Variants in EML6 observed in about 807,000 individuals in gnomAD.
EML6 encodes the protein echinoderm microtubule-associated protein-like 6.
EML6 carries 154 observed loss-of-function variants against 240.1 expected under a neutral mutation model. The observed-to-expected ratio is 0.64, with a 90% CI of 0.56 to 0.73. The LOEUF is 0.73. EML6 is among the 30% of genes least tolerant of loss of function. The pLI, the probability that EML6 is intolerant of heterozygous loss-of-function variation, is 0.00. For missense variants in EML6, 2,964 were observed against 2,474.6 expected (o/e 1.20, Z -4.20); for synonymous variants, 1,148 against 899.0 (o/e 1.28, Z -4.95).
At chr2:54,743,703 A>G (rs1683765674) in intron 2 of EML6, among the ~76,000 whole-genome samples, 1 of 152,220 alleles carries the variant, frequency 6.6e-6, no homozygotes, top group Non-Finnish European at 1.5e-5. Context: ...CTCTCTTGGT[A>G]AAATACTCTT....
At chr2:54,808,206 G>T (rs1223783388) in intron 2 of EML6, among the ~76,000 whole-genome samples, 1 of 152,188 alleles carries the variant, frequency 6.6e-6, no homozygotes, top group Non-Finnish European at 1.5e-5. Flanking sequence ...AGTTGTGGTG[G>T]GGTACTGAAG....
chr2:54,910,618 G>T (rs921516270), intron 24 of EML6, among the ~76,000 whole-genome samples: 1 of 151,982 alleles, frequency 6.6e-6, no homozygotes, highest in Non-Finnish European at 1.5e-5. Flanking sequence ...GAGGCAACTG[G>T]GAAAAACAGG....
intron 26 of EML6, among the ~76,000 whole-genome samples, chr2:54,921,072 C>T (rs1331075376): frequency 6.6e-6 from 1 of 151,802 alleles, no homozygotes; most frequent in African/African-American, 2.4e-5. Context: ...AAAACTTTTC[C>T]TTTAAGATAA....
intron 2 of EML6, among the ~76,000 whole-genome samples, chr2:54,805,878 T>G (rs1316479011): frequency 1.3e-5 from 2 of 152,194 alleles, no homozygotes; most frequent in Non-Finnish European, 2.9e-5. Flanking sequence ...GATACCTAGT[T>G]GTTCCAGCAC....
intron 2 of EML6, among the ~76,000 whole-genome samples, chr2:54,764,806 G>A (rs1008445863): frequency 7.2e-5 from 11 of 152,100 alleles, no homozygotes; most frequent in Admixed American, 2.0e-4. Context: ...TTTCTATTTG[G>A]TATATGCATG....
chr2:54,957,001 A>G (rs1048782054), intron 32 of EML6, among the ~76,000 whole-genome samples: 1 of 152,230 alleles, frequency 6.6e-6, no homozygotes, highest in African/African-American at 2.4e-5. Context: ...TACTACTACT[A>G]CTAATACTGG....
At chr2:54,875,790 T>A (rs886363529) in intron 16 of EML6, among the ~76,000 whole-genome samples, 1 of 152,206 alleles carries the variant, frequency 6.6e-6, no homozygotes, top group Non-Finnish European at 1.5e-5. Flanking sequence ...GTGCTTGCCG[T>A]GAGGAAAGTG....
chr2:54,777,860 A>G (rs903808328), intron 2 of EML6, among the ~76,000 whole-genome samples: 3 of 152,258 alleles, frequency 2.0e-5, no homozygotes, highest in African/African-American at 7.2e-5. Context: ...ATTTATTTAT[A>G]GCAAATTTCT....
At chr2:54,862,243 G>A (rs569038760) in intron 12 of EML6, among the ~76,000 whole-genome samples, 5 of 149,988 alleles carry the variant, frequency 3.3e-5, no homozygotes, top group Admixed American at 1.3e-4. Context: ...GGAGGCTGAG[G>A]CAGGAGAATT....
chr2:54,941,902 T>G (rs1675449644), intron 28 of EML6, among the ~76,000 whole-genome samples: 1 of 152,258 alleles, frequency 6.6e-6, no homozygotes, highest in Non-Finnish European at 1.5e-5. Context: ...AAGACTCCTG[T>G]TCTTTATGAA....
intron 28 of EML6, among the ~76,000 whole-genome samples, chr2:54,945,992 C>T (rs1675678255): frequency 6.6e-6 from 1 of 152,228 alleles, no homozygotes; most frequent in Non-Finnish European, 1.5e-5. Context: ...CGACTTGTTA[C>T]TCAACACCAA....
chr2:54,831,645 T>A (rs553379428), intron 7 of EML6, among the ~76,000 whole-genome samples: 1 of 152,260 alleles, frequency 6.6e-6, no homozygotes, highest in Non-Finnish European at 1.5e-5. Context: ...CTGTGGTGCC[T>A]GGGCTTGGCG....
Position 54,903,458 on chromosome 2 carries a change from A to T in EML6, c.3365A>T (p.Lys1122Ile). 1 of 1,551,902 alleles carries T rather than the reference A, an allele frequency of 6.4e-7. No homozygotes were observed. ...ACAAGCAAAAGGGTTGGCATCTGTA[A>T]AGGTGCTTCTAGTTATATTACACAC... The part of the protein sequence containing the change: ...VLTSKRVGIC[K>I]GASSYITHID... The change falls in exon 24 of 42, where the codon AAA (lysine) becomes ATA (isoleucine). Residue 1122 changes from lysine to isoleucine, a missense_variant. Lys to Ile is a moderately radical substitution (Grantham distance 102). Transcript: ENST00000356458.
intron 17 of EML6, chr2:54,881,968 G>T (rs1192032775): frequency 6.6e-6 from 1 of 152,270 alleles, no homozygotes; most frequent in Non-Finnish European, 1.5e-5. Flanking sequence ...GGTAGCTGTG[G>T]TGGCATCGTC....
chr2:54,895,946 T>C (rs1027210362), intron 21 of EML6, among the ~76,000 whole-genome samples: 1 of 152,258 alleles, frequency 6.6e-6, no homozygotes, highest in Non-Finnish European at 1.5e-5. Flanking sequence ...TCATCACATA[T>C]GTGGAATCAT....
intron 11 of EML6, among the ~76,000 whole-genome samples, chr2:54,854,686 T>A (rs1217879916): frequency 1.3e-5 from 2 of 152,260 alleles, no homozygotes; most frequent in Non-Finnish European, 2.9e-5. Context: ...ACTGGCAGTT[T>A]TGAAGCAGTG....
At chr2:54,732,804 T>C (rs1002103655) in intron 2 of EML6, among the ~76,000 whole-genome samples, 3 of 152,204 alleles carry the variant, frequency 2.0e-5, no homozygotes, top group African/African-American at 7.2e-5. Context: ...ACTTAAATAG[T>C]GAGTGCAGTG....
rs1674687064 is a variant in EML6 at position 54,928,604 on chromosome 2, A to G, written c.3878-21A>G. On this transcript the variant is annotated intron_variant, in intron 27 of 41. Transcript: ENST00000356458. ...GCCACTGCAAACCAACTGGCTCCCCAATCTCTTTCTGTTGTTTGAGGCTAT... is the reference window on the plus strand; with the variant it reads ...GCCACTGCAAACCAACTGGCTCCCCGATCTCTTTCTGTTGTTTGAGGCTAT... 8 of 1,551,970 alleles carry G rather than the reference A, an allele frequency of 5.2e-6. No individual in the cohort carries two copies. The East Asian group carries it at 1.7e-4, about 33-fold the overall frequency.
chr2:54,944,123 C>G (rs1286923723), intron 28 of EML6, among the ~76,000 whole-genome samples: 2 of 152,104 alleles, frequency 1.3e-5, no homozygotes, highest in East Asian at 1.9e-4. Context: ...TACCCTCTCT[C>G]TTAATTAATC....
Sources: gnomAD v4.1 joint callset for allele counts (sites outside exome capture counted in the v4.1 genomes callset) on GRCh38, gnomAD v4.1.1 for gene constraint, MANE v1.5 for transcripts, NCBI Gene and HGNC (gene_info 2026-07-23, HGNC 2026-07-21) for gene names.